Variants in ATXN1 observed in about 807,000 individuals in gnomAD.
ATXN1 encodes the protein ataxin-1.
ATXN1 carries 8 observed loss-of-function variants against 56.4 expected under a neutral mutation model. The ratio of observed to expected loss-of-function variants is 0.14; its 90% CI spans 0.08 to 0.26. ATXN1 has a LOEUF of 0.26. ATXN1 is among the 10% of genes least tolerant of loss of function. The probability of loss-of-function intolerance (pLI) is 1.00; values close to 1 mark genes in which losing one functional copy is unlikely to be tolerated. For synonymous variants in ATXN1, 514 were observed against 494.6 expected (o/e 1.04, Z -0.52); for missense variants, 987 against 1,106.5 (o/e 0.89, Z 1.53).
intron 6 of ATXN1, among the ~76,000 whole-genome samples, chr6:16,374,719 A>G (rs1218362642): frequency 6.6e-6 from 1 of 152,230 alleles, no homozygotes; most frequent in Non-Finnish European, 1.5e-5. Context: ...TCTGATATAG[A>G]GCGAAGCTGG....
intron 6 of ATXN1, among the ~76,000 whole-genome samples, chr6:16,464,041 A>T (rs1760051497): frequency 6.6e-6 from 1 of 152,196 alleles, no homozygotes; most frequent in Non-Finnish European, 1.5e-5. Context: ...TCCAGCAGGA[A>T]GTAGCTAGAG....
rs568643563 is a variant in ATXN1, at chr6:16,370,278, G to A, written c.-160-41808C>T. Reference sequence around the variant, plus strand: ...TGTTCTTTCCACATCAACCCCCGCCGGACATATTTCAAAAATGCAACTGTT... The same window carrying A: ...TGTTCTTTCCACATCAACCCCCGCCAGACATATTTCAAAAATGCAACTGTT... On this transcript the variant is annotated intron_variant, in intron 6 of 7. Coordinates refer to ENST00000436367, the MANE Select transcript of ATXN1 (RefSeq NM_001128164.2). Among the ~76,000 whole-genome samples, 14 of 152,188 alleles carry A rather than the reference G, an allele frequency of 9.2e-5. No homozygotes were observed. In the East Asian group the frequency reaches 1.3e-3, roughly 15 times the overall value.
chr6:16,439,250 A>T (rs1759453396), intron 6 of ATXN1, among the ~76,000 whole-genome samples: 1 of 149,512 alleles, frequency 6.7e-6, no homozygotes, highest in Admixed American at 6.7e-5. Flanking sequence ...TAAAAGCCAA[A>T]AAGAAAAATG....
intron 6 of ATXN1, among the ~76,000 whole-genome samples, chr6:16,437,318 C>T (rs1759414981): frequency 6.6e-6 from 1 of 152,200 alleles, no homozygotes; most frequent in South Asian, 2.1e-4. Flanking sequence ...GAGTGCGTAT[C>T]AGCACCACCC....
intron 6 of ATXN1, among the ~76,000 whole-genome samples, chr6:16,416,726 T>C (rs1183101006): frequency 1.3e-5 from 2 of 152,338 alleles, no homozygotes; most frequent in East Asian, 1.9e-4. Flanking sequence ...CTGAATCCCA[T>C]CACATTTTCA....
intron 3 of ATXN1, among the ~76,000 whole-genome samples, chr6:16,656,454 A>G (rs991069105): frequency 6.6e-5 from 10 of 152,164 alleles, no homozygotes; most frequent in African/African-American, 2.4e-4. Flanking sequence ...CTAGGCTTCA[A>G]TTTGAGGACT....
intron 5 of ATXN1, among the ~76,000 whole-genome samples, chr6:16,489,284 A>T (rs1760610996): frequency 2.0e-5 from 3 of 151,860 alleles, no homozygotes; most frequent in Non-Finnish European, 4.4e-5. Flanking sequence ...CTTAACCCTT[A>T]CTCCAAAAGA....
chr6:16,669,908 T>C (rs1758505929), intron 2 of ATXN1, among the ~76,000 whole-genome samples: 1 of 152,110 alleles, frequency 6.6e-6, no homozygotes, highest in South Asian at 2.1e-4. Context: ...ACATTGGTGA[T>C]GTCTACTCCC....
chr6:16,362,269 A>G (rs1761824658), intron 6 of ATXN1, among the ~76,000 whole-genome samples: 1 of 152,190 alleles, frequency 6.6e-6, no homozygotes, highest in African/African-American at 2.4e-5. Flanking sequence ...CCAGGCTCTG[A>G]AGAGATGCTT....
chr6:16,377,389 T>C (rs1466360604), intron 6 of ATXN1, among the ~76,000 whole-genome samples: 1 of 152,124 alleles, frequency 6.6e-6, no homozygotes, highest in African/African-American at 2.4e-5. Context: ...TCAGCTGATA[T>C]GAGCCTGCTT....
At chr6:16,332,419 G>A (rs1039785063) in intron 6 of ATXN1, among the ~76,000 whole-genome samples, 4 of 152,110 alleles carry the variant, frequency 2.6e-5, no homozygotes, top group African/African-American at 9.7e-5. Context: ...AGAAACGAAA[G>A]AAGAAAAAAG....
intron 6 of ATXN1, among the ~76,000 whole-genome samples, chr6:16,354,445 G>A (rs1376284223): frequency 3.9e-5 from 6 of 152,032 alleles, no homozygotes; most frequent in Non-Finnish European, 8.8e-5. Context: ...TTTTAGTAGA[G>A]ACGGGATTTC....
At chr6:16,645,482 A>T (rs1475109303) in intron 3 of ATXN1, among the ~76,000 whole-genome samples, 3 of 152,192 alleles carry the variant, frequency 2.0e-5, no homozygotes, top group Non-Finnish European at 4.4e-5. Flanking sequence ...GACTTAAACC[A>T]GTGGAAGAAA....
intron 4 of ATXN1, among the ~76,000 whole-genome samples, chr6:16,570,194 A>G (rs1468904093): frequency 1.3e-5 from 2 of 152,216 alleles, no homozygotes; most frequent in Admixed American, 1.3e-4. Context: ...TCCTCAAACG[A>G]AATGGCCTCA....
intron 6 of ATXN1, among the ~76,000 whole-genome samples, chr6:16,348,343 A>G (rs1018615915): frequency 3.9e-5 from 6 of 152,130 alleles, no homozygotes; most frequent in Non-Finnish European, 5.9e-5. Context: ...AGAATTACAG[A>G]TATGAGCCAC....
intron 3 of ATXN1, among the ~76,000 whole-genome samples, chr6:16,605,667 C>G (rs761319442): frequency 3.3e-5 from 5 of 152,148 alleles, no homozygotes; most frequent in Non-Finnish European, 7.4e-5. Context: ...GAACTACCAT[C>G]TCTCTCAGTA....
At chr6:16,739,728 G>A (rs1275753896) in intron 2 of ATXN1, 1 of 439,124 alleles carries the variant, frequency 2.3e-6, no homozygotes. Context: ...GATTCTCAGG[G>A]ATGTCGTCCA....
chr6:16,530,784 C>T (rs578077637), intron 4 of ATXN1, among the ~76,000 whole-genome samples: 126 of 152,290 alleles, frequency 8.3e-4, no homozygotes, highest in Non-Finnish European at 1.3e-3. Flanking sequence ...AAGAAAACAT[C>T]CACACATAGA....
At chr6:16,561,840 A>T (rs1312795993) in intron 4 of ATXN1, among the ~76,000 whole-genome samples, 1 of 152,148 alleles carries the variant, frequency 6.6e-6, no homozygotes, top group African/African-American at 2.4e-5. Context: ...AGGAACATGT[A>T]TATAATTATG....
Sources: gnomAD v4.1 joint callset for allele counts (sites outside exome capture counted in the v4.1 genomes callset) on GRCh38, gnomAD v4.1.1 for gene constraint, MANE v1.5 for transcripts, NCBI Gene and HGNC (gene_info 2026-07-23, HGNC 2026-07-21) for gene names.